The following PRR12 variants were observed in gnomAD, a reference collection of about 807,000 sequenced individuals.
PRR12 encodes proline-rich protein 12.
PRR12 carries 12 observed loss-of-function variants against 138.0 expected under a neutral mutation model. The ratio of observed to expected loss-of-function variants is 0.09; its 90% CI spans 0.06 to 0.14. The LOEUF is 0.14. Among genes scored for constraint, PRR12 ranks in the 10% least tolerant of loss-of-function variants. PRR12 has a pLI of 1.00. For synonymous variants in PRR12, 1,567 were observed against 1,291.7 expected, an observed-to-expected ratio of 1.21 and a Z score of -4.57; for missense variants, 2,692 against 2,861.3, an observed-to-expected ratio of 0.94 and a Z score of 1.35.
rs748536245 is a variant in PRR12 at position 49,599,716 on chromosome 19, G to A, written c.4123G>A (p.Glu1375Lys). The A allele has an allele frequency of 5.6e-6, 9 of 1,613,558 alleles. No individual in the cohort carries two copies. Among genetic ancestry groups the A allele is most frequent in the Non-Finnish European group, 6.8e-6 (8 of 1,179,876 alleles). Residue 1375 changes from glutamate (E) to lysine (K), a missense_variant, in exon 5 of 14, where the codon GAG becomes AAG. This residue lies in a region of PRR12 where 22 missense variants were observed against 59.2 expected (regional missense o/e 0.37). Coordinates refer to ENST00000418929, the MANE Select transcript of PRR12 (RefSeq NM_020719.3). This position sits in a 1 kb window ranked among gnomAD's most constrained non-coding sequence, Gnocchi z 5.0. ...RLDEELKRNL[E>K]TLPSFSSDEE... ...TGATGAGGAGCTGAAGCGGAACCTC[G>A]AGACGCTGCCCTCCTTCTCCTCGGA... is the stretch of plus-strand genomic sequence containing the variant.
chr19:49,615,714 GCT>G, intron 8 of PRR12, 31 bp from the exon 9 acceptor site: 1 of 1,578,026 alleles, frequency 6.3e-7, no homozygotes, highest in Non-Finnish European at 8.7e-7. Context: ...ATTGGGGGCT[GCT>G]GACTACAGTC....
chr19:49,617,506 C>T (rs1413966960), intron 9 of PRR12, among the ~76,000 whole-genome samples: 1 of 152,020 alleles, frequency 6.6e-6, no homozygotes, highest in African/African-American at 2.4e-5. Context: ...TGGTGAATGC[C>T]TGTAGTCCCA....
intron 2 of PRR12, 94 bp downstream of exon 2, chr19:49,593,533 C>A: frequency 1.6e-6 from 1 of 635,822 alleles, no homozygotes; most frequent in Non-Finnish European, 2.8e-6. Flanking sequence ...TCCTAATTGG[C>A]CGTGGCCCGT....
rs751090987 is a variant in PRR12, at chr19:49,601,543, T to G, written c.4398T>G (p.Thr1466=). The change falls in exon 6 of 14, where the codon ACT becomes ACG. Residue 1466 remains threonine (T), a synonymous_variant. Coordinates refer to ENST00000418929, the MANE Select transcript of PRR12 (RefSeq NM_020719.3). ...KPPPTPPPAP[T]PQPQPPPPPP... ...CACCCACTCCACCTCCTGCCCCGAC[T>G]CCTCAGCCTCAGCCTCCGCCACCCC... The G allele has an allele frequency of 1.0e-5, 15 of 1,503,800 alleles. No homozygotes were observed. The South Asian group carries it at 1.5e-4, about 15-fold the overall frequency. 93.2% of individuals were successfully genotyped at this position (1,503,800 alleles called of 1,614,324 possible).
chr19:49,598,377 C>G (rs1004803850), intron 4 of PRR12, among the ~76,000 whole-genome samples: 1 of 151,952 alleles, frequency 6.6e-6, no homozygotes, highest in Non-Finnish European at 1.5e-5. Context: ...CCCGGCCTCC[C>G]GATGTTTTGA....
chr19:49,611,721 A>C (rs558074899), intron 6 of PRR12, among the ~76,000 whole-genome samples: 1 of 147,724 alleles, frequency 6.8e-6, no homozygotes, highest in Non-Finnish European at 1.5e-5. Flanking sequence ...CAGGAGATCG[A>C]GACCATCCTG....
rs1302368107 is a variant in PRR12 at position 49,593,453 on chromosome 19, C to T, written c.199+14C>T. The T allele has an allele frequency of 2.9e-6, 4 of 1,387,942 alleles. No individual in the cohort carries two copies. The African/African-American group carries it at 4.3e-5, about 15-fold the overall frequency. The allele number at this position is 1,387,942 out of a possible 1,614,324, so 86.0% of individuals were successfully genotyped here. ...ACCACCCGGCAGGTACGGCCCCCAT[C>T]CCGCCCCGCTTTGGGCTGGCCCTCC... On this transcript the variant is annotated intron_variant, in intron 2 of 13. Transcript: ENST00000418929.
rs564221090 is a variant in PRR12 at position 49,618,061 on chromosome 19, G to A, written c.5497+1842G>A. ...TGCAGTGAGCTGAGATTGCGCCATT[G>A]CATTCCAGCCTGGGCAACAGAGGGA... On this transcript the variant is annotated intron_variant, in intron 9 of 13. Transcript: ENST00000418929. Among the ~76,000 whole-genome samples, 3 of 152,264 alleles carry A rather than the reference G, an allele frequency of 2.0e-5. No individual in the cohort carries two copies. In the South Asian group the frequency reaches 6.2e-4, roughly 32 times the overall value.
chr19:49,622,926 T>G (rs201281191), intron 11 of PRR12, among the ~76,000 whole-genome samples: 8,611 of 87,144 alleles, frequency 0.099, 452 homozygotes, highest in East Asian at 0.14. Flanking sequence ...TATATATATA[T>G]ATAGAGAGAG....
chr19:49,611,121 CAT>C (rs2080863732), intron 6 of PRR12, among the ~76,000 whole-genome samples: 1 of 150,056 alleles, frequency 6.7e-6, no homozygotes, highest in Non-Finnish European at 1.5e-5. Flanking sequence ...GGATTACAGG[CAT>C]GAGCCACTGC....
chr19:49,615,029 C>G lies in PRR12; in HGVS notation c.5024+20C>G, dbSNP rs909455467. ...AGTCAGGTACCAACCATGGGGGACACAGGGGCAGGTAGTATGTAGCGCCGA... is the reference window on the plus strand; with the variant it reads ...AGTCAGGTACCAACCATGGGGGACAGAGGGGCAGGTAGTATGTAGCGCCGA... On this transcript the variant is annotated intron_variant, in intron 8 of 13. Transcript: ENST00000418929. 2 of 1,613,294 alleles carry G rather than the reference C, an allele frequency of 1.2e-6. No individual in the cohort carries two copies. The highest frequency in any genetic ancestry group is 1.3e-5 in the African/African-American group (1 of 74,780).
intron 9 of PRR12, among the ~76,000 whole-genome samples, chr19:49,618,201 G>C (rs1176149255): frequency 6.6e-6 from 1 of 151,936 alleles, no homozygotes; most frequent in African/African-American, 2.4e-5. Flanking sequence ...CTTGTTGCTG[G>C]GGTCATGACC....
At position 49,591,702 on chromosome 19, in the gene PRR12, C is replaced by T. The variant is rs761070686; in HGVS notation, c.48C>T (p.Ala16=). 9 of 1,494,324 alleles carry T rather than the reference C, an allele frequency of 6.0e-6. No homozygotes were observed. The highest frequency in any genetic ancestry group is 7.1e-6 in the Non-Finnish European group (8 of 1,122,506). 92.6% of individuals were successfully genotyped at this position (1,494,324 alleles called of 1,614,324 possible). Reference sequence around the variant, plus strand: ...CCGGCTTCGGGGACCCGCTCGGCGCCGGGGCGGGATGGAGTTACGAGAGGT... The same window carrying T: ...CCGGCTTCGGGGACCCGCTCGGCGCTGGGGCGGGATGGAGTTACGAGAGGT... The part of the protein sequence containing the change: ...PSAGFGDPLG[A]GAGWSYERSA... Residue 16 remains alanine (A), a synonymous_variant, in exon 1 of 14, where the codon GCC becomes GCT. Transcript: ENST00000418929.
rs1172892755 is a variant in PRR12, at chr19:49,614,856, G to A, written c.4891-20G>A. 6.2e-7 allele frequency: 1 copy of A among 1,613,920 alleles called. No homozygotes were observed. The highest frequency in any genetic ancestry group is 1.1e-5 in the South Asian group (1 of 91,080). On this transcript the variant is annotated intron_variant, in intron 7 of 13. Coordinates refer to ENST00000418929, the MANE Select transcript of PRR12 (RefSeq NM_020719.3). This position sits in a 1 kb window ranked among gnomAD's most constrained non-coding sequence, Gnocchi z 5.0. ...TGGGCAGTGTGAAGAATTTCCTCAT[G>A]TGCCTCTTTCTCCCCATAGTATTTG...
At chr19:49,606,785 T>G (rs2080840776) in intron 6 of PRR12, among the ~76,000 whole-genome samples, 1 of 151,898 alleles carries the variant, frequency 6.6e-6, no homozygotes, top group African/African-American at 2.4e-5. Context: ...TAGCTGGGAT[T>G]ACAGGCACCT....
Position 49,625,822 on chromosome 19 carries a change from G to A in PRR12, c.*215G>A, listed in dbSNP as rs1010741473. ...TCCCTCCCCATTCCTCCCACTGTTC[G>A]GTGTACAGAGAAATTATTTATATAT... On this transcript the variant is annotated 3_prime_UTR_variant, in exon 14 of 14. Transcript: ENST00000418929. The surrounding 1 kb of genome is among the most constrained non-coding windows in gnomAD (Gnocchi z 5.5). The A allele has an allele frequency of 4.1e-6, 2 of 489,594 alleles. No homozygotes were observed. Among genetic ancestry groups the A allele is most frequent in the Non-Finnish European group, 7.0e-6 (2 of 285,212 alleles). The allele number at this position is 489,594 out of a possible 1,614,324, so 30.3% of individuals were successfully genotyped here.
At chr19:49,607,825 C>T (rs2080846560) in intron 6 of PRR12, among the ~76,000 whole-genome samples, 2 of 152,052 alleles carry the variant, frequency 1.3e-5, no homozygotes, top group Non-Finnish European at 2.9e-5. Context: ...TCAAGACCAG[C>T]CTGGTCAACA....
rs751393446 is a variant in PRR12 at position 49,594,908 on chromosome 19, G to C, written c.573G>C (p.Leu191=). The change falls in exon 4 of 14, where the codon CTG becomes CTC. Residue 191 remains leucine, a synonymous_variant. Coordinates refer to ENST00000418929, the MANE Select transcript of PRR12 (RefSeq NM_020719.3). This position sits in a 1 kb window ranked among gnomAD's most constrained non-coding sequence, Gnocchi z 5.6. ...TGTCCCCTCATGACGTGCTGCACCT[G>C]AAGCCCTCGCAGGCACCCACGGTGC... ...GLLSPHDVLH[L]KPSQAPTVPS... is the part of the protein sequence containing the mutation. The C allele has an allele frequency of 6.2e-7, 1 of 1,609,248 alleles. No homozygotes were observed. Among genetic ancestry groups the C allele is most frequent in the South Asian group, 1.1e-5 (1 of 90,362 alleles).
At position 49,595,888 on chromosome 19, in the gene PRR12, C is replaced by G. The variant is rs943176955; in HGVS notation, c.1553C>G (p.Ala518Gly). The change falls in exon 4 of 14, where the codon GCC becomes GGC. Residue 518 changes from alanine (A) to glycine (G), a missense_variant. Physicochemically the swap from Ala to Gly is moderately conservative, Grantham distance 60. This residue lies in a region of PRR12 where 523 missense variants were observed against 496.4 expected (regional missense o/e 1.05). Transcript: ENST00000418929. Reference protein sequence around the residue: ...GVQGEPYPGPAAHSQGLPTAS... With the variant: ...GVQGEPYPGPGAHSQGLPTAS... ...CAGGGCGAGCCATACCCAGGGCCAG[C>G]CGCCCACTCCCAGGGGCTGCCCACA... 8 of 1,603,310 alleles carry G rather than the reference C, an allele frequency of 5.0e-6. No individual in the cohort carries two copies. Among genetic ancestry groups the G allele is most frequent in the Non-Finnish European group, 6.8e-6 (8 of 1,179,476 alleles).
Sources: allele counts gnomAD v4.1 joint callset (sites outside exome capture counted in the v4.1 genomes callset), GRCh38; gene constraint gnomAD v4.1.1; regional missense constraint gnomAD v4.1.1; non-coding constraint Gnocchi (gnomAD v3.1); transcripts MANE v1.5; gene names NCBI Gene and HGNC (gene_info 2026-07-23, HGNC 2026-07-21).